LRRC7: variants seen among roughly 807,000 people sequenced by gnomAD.
LRRC7 encodes the protein leucine-rich repeat-containing protein 7.
Under a neutral mutation model 175.7 loss-of-function variants are expected in LRRC7, and 23 were observed. That is an observed-to-expected ratio of 0.13 (90% CI 0.09 to 0.19). The LOEUF is 0.19. Ranked by LOEUF, LRRC7 falls within the 10% of genes least tolerant of loss-of-function variation. LRRC7 has a pLI of 1.00. For missense variants in LRRC7, 1,354 were observed against 1,904.7 expected (o/e 0.71, Z 5.38); for synonymous variants, 685 against 680.9 (o/e 1.01, Z -0.09).
At chr1:70,062,360 G>T (rs999981933) in intron 23 of LRRC7, among the ~76,000 whole-genome samples, 2 of 152,028 alleles carry the variant, frequency 1.3e-5, no homozygotes, top group African/African-American at 4.8e-5. Flanking sequence ...ACGTAACTTT[G>T]CCAGTAATCT....
At chr1:69,797,163 A>G (rs1675885572) in intron 4 of LRRC7, among the ~76,000 whole-genome samples, 1 of 152,184 alleles carries the variant, frequency 6.6e-6, no homozygotes, top group African/African-American at 2.4e-5. Context: ...GGGACCCAAC[A>G]TAGGATAAGG....
At chr1:69,960,146 T>A (rs545896939) in intron 8 of LRRC7, among the ~76,000 whole-genome samples, 1 of 152,134 alleles carries the variant, frequency 6.6e-6, no homozygotes, top group East Asian at 1.9e-4. Context: ...TATTTATTAC[T>A]GTCTCAATTT....
At chr1:69,811,370 C>A (rs1470735214) in intron 4 of LRRC7, among the ~76,000 whole-genome samples, 1 of 152,126 alleles carries the variant, frequency 6.6e-6, no homozygotes, top group African/African-American at 2.4e-5. Context: ...GGTGATTCCT[C>A]AAGCATCTAA....
intron 1 of LRRC7, among the ~76,000 whole-genome samples, chr1:69,578,319 T>C (rs868775711): frequency 0.024 from 3,656 of 149,500 alleles, 130 homozygotes; most frequent in African/African-American, 0.086. Context: ...TGTGGAGAAA[T>C]AGGAACACTT....
intron 1 of LRRC7, among the ~76,000 whole-genome samples, chr1:69,578,583 A>G (rs1397167917): frequency 6.6e-6 from 1 of 151,172 alleles, no homozygotes; most frequent in Non-Finnish European, 1.5e-5. Context: ...AAAATGTGGC[A>G]CATATACACC....
chr1:70,001,495 T>C (rs995671219), intron 11 of LRRC7, among the ~76,000 whole-genome samples: 13 of 152,204 alleles, frequency 8.5e-5, no homozygotes, highest in Non-Finnish European at 1.6e-4. Flanking sequence ...TTATCAAAAA[T>C]AAAAGTTTCA....
chr1:69,802,382 T>A (rs528027230), intron 4 of LRRC7, among the ~76,000 whole-genome samples: 2 of 151,700 alleles, frequency 1.3e-5, no homozygotes, highest in South Asian at 4.1e-4. Flanking sequence ...GTTTGTTTTA[T>A]AAATCTGGGC....
intron 7 of LRRC7, chr1:69,874,628 C>T (rs1332959672): frequency 2.0e-5 from 3 of 151,964 alleles, no homozygotes; most frequent in Admixed American, 6.6e-5. Flanking sequence ...AGGAAAGAAA[C>T]ATTTTTTTGT....
intron 8 of LRRC7, among the ~76,000 whole-genome samples, chr1:69,936,019 G>A (rs919883213): frequency 6.6e-6 from 1 of 151,914 alleles, no homozygotes; most frequent in African/African-American, 2.4e-5. Context: ...TTTTTCCAGA[G>A]ACTCAGCTTT....
At chr1:70,036,085 T>C (rs1440965201) in intron 18 of LRRC7, 36 bp from the exon 19 acceptor site, 1 of 1,504,302 alleles carries the variant, frequency 6.6e-7, no homozygotes, top group Admixed American at 2.0e-5. Context: ...TGTTTAAATG[T>C]TTACTTTCCT....
chr1:70,078,177 A>G (rs1662923570), intron 24 of LRRC7, among the ~76,000 whole-genome samples: 1 of 152,214 alleles, frequency 6.6e-6, no homozygotes, highest in Admixed American at 6.5e-5. Flanking sequence ...AAAATATCAC[A>G]TGCACCCCAT....
At chr1:69,894,872 A>G (rs1312141044) in intron 7 of LRRC7, among the ~76,000 whole-genome samples, 1 of 152,190 alleles carries the variant, frequency 6.6e-6, no homozygotes, top group African/African-American at 2.4e-5. Context: ...CAATATGAGT[A>G]AGTTCCAGAG....
chr1:70,010,999 C>T (rs1656453346), intron 11 of LRRC7, among the ~76,000 whole-genome samples: 1 of 152,164 alleles, frequency 6.6e-6, no homozygotes, highest in Non-Finnish European at 1.5e-5. Flanking sequence ...AGAATACAGA[C>T]CCCGTATTGA....
rs759598218 is a variant in LRRC7, at chr1:70,140,544, C to CTGTT, written c.*18658_*18661dup. The CTGTT allele has an allele frequency of 5.9e-5, 9 of 152,144 alleles. No individual in the cohort carries two copies. The highest frequency in any genetic ancestry group is 1.2e-4 in the Non-Finnish European group (8 of 68,016). The allele number at this position is 152,144 out of a possible 1,614,324, so 9.4% of individuals were successfully genotyped here. On this transcript the variant is annotated 3_prime_UTR_variant, in exon 27 of 27. Coordinates refer to ENST00000651989, the MANE Select transcript of LRRC7 (RefSeq NM_001370785.2). ...TGCACTGGTTCCCATGGCAACAAGTCTGTTGGCAGAGAAAGTATGACTCTG... is the reference window on the plus strand; with the variant it reads ...TGCACTGGTTCCCATGGCAACAAGTCTGTTTGTTGGCAGAGAAAGTATGACTCTG...
chr1:69,850,285 A>G (rs560043779), intron 7 of LRRC7, among the ~76,000 whole-genome samples: 1 of 152,276 alleles, frequency 6.6e-6, no homozygotes, highest in South Asian at 2.1e-4. Context: ...AGGCCAGAGT[A>G]GTTGAACATG....
chr1:70,093,746 C>CT (rs2102177504), intron 25 of LRRC7, among the ~76,000 whole-genome samples: 1 of 152,188 alleles, frequency 6.6e-6, no homozygotes, highest in Non-Finnish European at 1.5e-5. Flanking sequence ...AACTTGTGGA[C>CT]TAAGGTATCA....
At chr1:69,584,647 T>C (rs1646334821) in intron 1 of LRRC7, among the ~76,000 whole-genome samples, 1 of 152,164 alleles carries the variant, frequency 6.6e-6, no homozygotes, top group African/African-American at 2.4e-5. Flanking sequence ...GAAATAATAC[T>C]TTAGATATAC....
At chr1:69,788,141 G>A (rs759372643) in intron 3 of LRRC7, among the ~76,000 whole-genome samples, 15 of 152,044 alleles carry the variant, frequency 9.9e-5, no homozygotes, top group Non-Finnish European at 2.2e-4. Flanking sequence ...CTCCCACTCT[G>A]TTCAGAGTCC....
At chr1:69,784,027 A>G (rs1674111959) in intron 3 of LRRC7, among the ~76,000 whole-genome samples, 3 of 152,276 alleles carry the variant, frequency 2.0e-5, no homozygotes, top group South Asian at 2.1e-4. Context: ...ACATATAAGA[A>G]AGTCGTGTTA....
Sources: gnomAD v4.1 joint callset for allele counts (sites outside exome capture counted in the v4.1 genomes callset) on GRCh38, gnomAD v4.1.1 for gene constraint, MANE v1.5 for transcripts, NCBI Gene and HGNC (gene_info 2026-07-23, HGNC 2026-07-21) for gene names.